HNRNPC: variants seen among roughly 807,000 people sequenced by gnomAD.
HNRNPC encodes heterogeneous nuclear ribonucleoprotein C.
In HNRNPC, 3 loss-of-function variants were observed where a neutral mutation model predicts 33.2. The observed-to-expected ratio is 0.09, with a 90% confidence interval of 0.04 to 0.23. HNRNPC has a LOEUF of 0.23. HNRNPC is among the 10% of genes least tolerant of loss of function. The pLI is 1.00. For missense variants in HNRNPC, 143 were observed against 366.7 expected (o/e 0.39, Z 4.98); for synonymous variants, 121 against 126.7 (o/e 0.96, Z 0.30).
chr14:21,239,699 C>G (rs1460325666), intron 2 of HNRNPC, among the ~76,000 whole-genome samples: 1 of 152,026 alleles, frequency 6.6e-6, no homozygotes, highest in African/African-American at 2.4e-5. Flanking sequence ...CATGGTGTAA[C>G]CCGGTCTCTA....
intron 3 of HNRNPC, among the ~76,000 whole-genome samples, chr14:21,233,052 A>C (rs1594250067): frequency 6.6e-6 from 1 of 151,844 alleles, no homozygotes; most frequent in African/African-American, 2.4e-5. Flanking sequence ...AAAAAAAAGG[A>C]CTGAATATAT....
chr14:21,266,345 C>T (rs1009681068), intron 1 of HNRNPC, among the ~76,000 whole-genome samples: 1 of 151,952 alleles, frequency 6.6e-6, no homozygotes, highest in African/African-American at 2.4e-5. Flanking sequence ...GTGATCCACC[C>T]GCCTCAGCCT....
In HNRNPC at chr14:21,232,853, T is replaced by C. The variant is rs183588934; in HGVS notation, c.241+1100A>G. Among the ~76,000 whole-genome samples, 737 of 152,232 alleles carry C rather than the reference T, an allele frequency of 4.8e-3. 2 individuals carry two copies. Among genetic ancestry groups the C allele is most frequent in the Non-Finnish European group, 7.2e-3 (493 of 68,014 alleles). ...GAGTTGAAGACCAGCCTGGCCACCATGGTGAAACCTCACCTCTACTAAAAA... is the reference window on the plus strand; with the variant it reads ...GAGTTGAAGACCAGCCTGGCCACCACGGTGAAACCTCACCTCTACTAAAAA... On this transcript the variant is annotated intron_variant, in intron 3 of 8. Transcript: ENST00000553300.
At chr14:21,268,933 G>A (rs764897978) in intron 1 of HNRNPC, among the ~76,000 whole-genome samples, 2 of 151,966 alleles carry the variant, frequency 1.3e-5, no homozygotes. Flanking sequence ...TAAGAAGAAC[G>A]GAGGTAATAG....
At chr14:21,217,194 C>T (rs1184717104) in intron 5 of HNRNPC, among the ~76,000 whole-genome samples, 3 of 152,114 alleles carry the variant, frequency 2.0e-5, no homozygotes, top group Non-Finnish European at 4.4e-5. Flanking sequence ...TCAAAATGTT[C>T]GTAACATAGT....
intron 2 of HNRNPC, among the ~76,000 whole-genome samples, chr14:21,250,993 G>A (rs1594303068): frequency 1.3e-5 from 2 of 152,280 alleles, no homozygotes; most frequent in Middle Eastern, 6.8e-3. Flanking sequence ...CGGGCGCGGT[G>A]GCTCACGCCT....
At chr14:21,253,206 G>A (rs1416041826) in intron 2 of HNRNPC, among the ~76,000 whole-genome samples, 1 of 149,778 alleles carries the variant, frequency 6.7e-6, no homozygotes, top group East Asian at 1.9e-4. Context: ...GCCAGGCGCG[G>A]TGGCTCACGC....
intron 2 of HNRNPC, among the ~76,000 whole-genome samples, chr14:21,250,376 TAAG>T (rs1346408299): frequency 6.6e-6 from 1 of 152,204 alleles, no homozygotes; most frequent in Non-Finnish European, 1.5e-5. Flanking sequence ...GAAGGTATAT[TAAG>T]AATTCATTAG....
intron 2 of HNRNPC, among the ~76,000 whole-genome samples, chr14:21,246,285 C>T (rs1383421728): frequency 1.3e-5 from 2 of 152,074 alleles, no homozygotes; most frequent in Non-Finnish European, 2.9e-5. Flanking sequence ...AAAGGCTGGG[C>T]GCGGTGGCTC....
At chr14:21,222,172 A>G (rs1892899602) in intron 5 of HNRNPC, among the ~76,000 whole-genome samples, 2 of 152,292 alleles carry the variant, frequency 1.3e-5, no homozygotes, top group Admixed American at 1.3e-4. Context: ...ATAAAAGCAA[A>G]AGACAGATAT....
rs192390658 is a variant in HNRNPC at position 21,230,256 on chromosome 14, A to G, written c.365+63T>C. 3.0e-4 allele frequency: 367 copies of G among 1,209,640 alleles called. 1 individual carries two copies. In the African/African-American group the frequency reaches 4.9e-3, roughly 16 times the overall value. The allele number at this position is 1,209,640 out of a possible 1,614,324, so 74.9% of individuals were successfully genotyped here. ...TCTTTGATGTTCATCACCACAAACC[A>G]GAAGAACGAAATGGTTCTCACTAAA... On this transcript the variant is annotated intron_variant, in intron 5 of 8. Coordinates refer to ENST00000553300, the MANE Select transcript of HNRNPC (RefSeq NM_004500.4).
chr14:21,229,413 G>GA (rs754265961), intron 5 of HNRNPC, among the ~76,000 whole-genome samples: 3 of 150,984 alleles, frequency 2.0e-5, no homozygotes, highest in Non-Finnish European at 3.0e-5. Flanking sequence ...AATGTCAAAT[G>GA]AAAAAAACAT....
At chr14:21,223,778 T>A (rs572210544) in intron 5 of HNRNPC, among the ~76,000 whole-genome samples, 1 of 152,134 alleles carries the variant, frequency 6.6e-6, no homozygotes, top group South Asian at 2.1e-4. Context: ...AAAAGACTAA[T>A]AACTGATTTG....
At chr14:21,250,569 GT>G (rs1896526146) in intron 2 of HNRNPC, among the ~76,000 whole-genome samples, 1 of 152,132 alleles carries the variant, frequency 6.6e-6, no homozygotes, top group Non-Finnish European at 1.5e-5. Flanking sequence ...TTCAAAGCAC[GT>G]ATTTCAGAAC....
intron 2 of HNRNPC, among the ~76,000 whole-genome samples, chr14:21,257,393 T>A (rs1382280750): frequency 2.0e-5 from 3 of 147,830 alleles, no homozygotes; most frequent in East Asian, 2.0e-4. Context: ...AAAAAAAAAA[T>A]AAAAACGTTT....
At chr14:21,262,516 A>T (rs1046719222) in intron 2 of HNRNPC, 1 of 152,276 alleles carries the variant, frequency 6.6e-6, no homozygotes, top group Non-Finnish European at 1.5e-5. Flanking sequence ...TCCAGATGCT[A>T]TGACCTATAC....
chr14:21,217,516 GA>G (rs968364138), intron 5 of HNRNPC, among the ~76,000 whole-genome samples: 1 of 152,096 alleles, frequency 6.6e-6, no homozygotes, highest in Non-Finnish European at 1.5e-5. Context: ...AATTAAGGGG[GA>G]AAAAATGGAA....
intron 5 of HNRNPC, among the ~76,000 whole-genome samples, chr14:21,214,163 C>A (rs1891909826): frequency 1.3e-5 from 2 of 152,078 alleles, no homozygotes; most frequent in Non-Finnish European, 2.9e-5. Context: ...ATGCAAAGGC[C>A]CAGGTACTCT....
intron 5 of HNRNPC, among the ~76,000 whole-genome samples, chr14:21,221,103 T>C (rs866670951): frequency 3.3e-5 from 5 of 152,164 alleles, no homozygotes; most frequent in African/African-American, 4.8e-5. Flanking sequence ...ACAAAAAACA[T>C]GCAAAAAACA....
Sources: allele counts gnomAD v4.1 joint callset (sites outside exome capture counted in the v4.1 genomes callset), GRCh38; gene constraint gnomAD v4.1.1; transcripts MANE v1.5; gene names NCBI Gene and HGNC (gene_info 2026-07-23, HGNC 2026-07-21).